The following ULK4 variants were observed in gnomAD, a reference collection of about 807,000 sequenced individuals.
The protein encoded by ULK4 is unc-51 like kinase 4.
A neutral mutation model predicts 160.6 loss-of-function variants in ULK4; 133 were observed. That is an observed-to-expected ratio of 0.83 (90% CI 0.72 to 0.96). The LOEUF (loss-of-function observed/expected upper bound fraction) is 0.96, where lower values mean the gene tolerates loss of function less well. Ranked by LOEUF, ULK4 falls within the 40% of genes least tolerant of loss-of-function variation. The probability of loss-of-function intolerance (pLI) is 0.00; values close to 1 mark genes in which losing one functional copy is unlikely to be tolerated. For synonymous variants in ULK4, 534 were observed against 539.8 expected (o/e 0.99, Z 0.15); for missense variants, 1,580 against 1,499.5 (o/e 1.05, Z -0.89).
chr3:41,257,718 T>G (rs942329086), intron 35 of ULK4, among the ~76,000 whole-genome samples: 11 of 152,018 alleles, frequency 7.2e-5, no homozygotes, highest in Non-Finnish European at 1.2e-4. Flanking sequence ...AATTGAAAAC[T>G]TATGTCCACA....
intron 19 of ULK4, among the ~76,000 whole-genome samples, chr3:41,811,350 A>G (rs1175803198): frequency 6.6e-6 from 1 of 152,008 alleles, no homozygotes; most frequent in Admixed American, 6.6e-5. Flanking sequence ...TAATATTTTT[A>G]ATTTTTTAGA....
intron 18 of ULK4, among the ~76,000 whole-genome samples, chr3:41,825,866 T>C (rs547100413): frequency 3.2e-4 from 49 of 152,202 alleles, no homozygotes; most frequent in African/African-American, 9.9e-4. Flanking sequence ...GTCAGATTCA[T>C]GAAAGTTGAA....
intron 19 of ULK4, among the ~76,000 whole-genome samples, chr3:41,817,486 C>T (rs2041010753): frequency 6.6e-6 from 1 of 152,142 alleles, no homozygotes; most frequent in Admixed American, 6.5e-5. Context: ...ATGGATGCAG[C>T]TGGAAGCCAT....
intron 32 of ULK4, among the ~76,000 whole-genome samples, chr3:41,482,532 G>A (rs2084364995): frequency 6.6e-6 from 1 of 152,180 alleles, no homozygotes; most frequent in African/African-American, 2.4e-5. Context: ...CCTAAATGAA[G>A]ATATTCTCCT....
At chr3:41,618,551 A>G (rs1407044950) in intron 30 of ULK4, among the ~76,000 whole-genome samples, 1 of 152,188 alleles carries the variant, frequency 6.6e-6, no homozygotes, top group Non-Finnish European at 1.5e-5. Context: ...GAGAAATAAA[A>G]TCCTTTCCAG....
intron 30 of ULK4, 68 bp from the exon 31 acceptor site, chr3:41,615,785 T>G: frequency 2.1e-6 from 3 of 1,413,392 alleles, no homozygotes; most frequent in Non-Finnish European, 3.0e-6. Context: ...TGGCCTGATA[T>G]AAAGCACCTC....
chr3:41,869,141 T>C (rs1697003509), intron 17 of ULK4: 1 of 152,156 alleles, frequency 6.6e-6, no homozygotes, highest in Non-Finnish European at 1.5e-5. Flanking sequence ...GTAATTACTC[T>C]TGTTTTTCAG....
chr3:41,351,572 A>T (rs1303602206), intron 35 of ULK4, among the ~76,000 whole-genome samples: 1 of 152,174 alleles, frequency 6.6e-6, no homozygotes, highest in East Asian at 1.9e-4. Context: ...TTCTCTTCTT[A>T]TTCAAGATAC....
chr3:41,696,372 C>CCT (rs1190879919), intron 27 of ULK4, among the ~76,000 whole-genome samples: 2 of 151,444 alleles, frequency 1.3e-5, no homozygotes, highest in African/African-American at 2.4e-5. Context: ...TCTCTCTCTC[C>CCT]CTCTCTCTCT....
chr3:41,338,887 G>A (rs908074948), intron 35 of ULK4, among the ~76,000 whole-genome samples: 2 of 151,862 alleles, frequency 1.3e-5, no homozygotes, highest in African/African-American at 4.8e-5. Flanking sequence ...CCCAGCACAA[G>A]CAGTCAAGTA....
intron 34 of ULK4, among the ~76,000 whole-genome samples, chr3:41,426,661 T>G (rs2082783363): frequency 6.6e-6 from 1 of 152,156 alleles, no homozygotes; most frequent in South Asian, 2.1e-4. Flanking sequence ...TGCTCCTGAA[T>G]GACTCTTGGG....
chr3:41,440,362 AT>A (rs1200057251), intron 34 of ULK4, among the ~76,000 whole-genome samples: 5 of 152,148 alleles, frequency 3.3e-5, no homozygotes, highest in African/African-American at 1.2e-4. Flanking sequence ...ACCAGGTTTC[AT>A]CAGAAATAAA....
chr3:41,403,842 C>T (rs1292924326), intron 34 of ULK4, among the ~76,000 whole-genome samples: 1 of 152,124 alleles, frequency 6.6e-6, no homozygotes, highest in Admixed American at 6.6e-5. Context: ...GTGACTTCCT[C>T]TTGGACCCAT....
Position 41,271,040 on chromosome 3 carries a change from C to T in ULK4, c.3679-21466G>A, listed in dbSNP as rs149985159. ...TTTTCTATGTCTTTCTCACATTCTA[C>T]TCTGTCTTAATATACTAATTTTTAA... On this transcript the variant is annotated intron_variant, in intron 35 of 36. Transcript: ENST00000301831. 8.8e-4 allele frequency among the ~76,000 whole-genome samples: 134 copies of T among 152,318 alleles called. 2 individuals carry two copies. The East Asian group carries it at 0.024, about 28-fold the overall frequency.
chr3:41,282,939 T>TAAAC (rs143533472), intron 35 of ULK4, among the ~76,000 whole-genome samples: 37,814 of 151,768 alleles, frequency 0.25, 6,960 homozygotes, highest in African/African-American at 0.52. Flanking sequence ...ACAAAAAACT[T>TAAAC]AAACAAATTT....
At chr3:41,717,702 G>T in intron 23 of ULK4, 26 bp downstream of exon 23, 1 of 1,589,884 alleles carries the variant, frequency 6.3e-7, no homozygotes, top group Non-Finnish European at 8.6e-7. Flanking sequence ...GCAGAAATGG[G>T]GCCTGAGGAT....
intron 35 of ULK4, among the ~76,000 whole-genome samples, chr3:41,298,305 C>T (rs139120658): frequency 8.9e-4 from 135 of 152,284 alleles, no homozygotes; most frequent in African/African-American, 3.2e-3. Flanking sequence ...ATTCAAAAGA[C>T]GAACACATTA....
At position 41,912,894 on chromosome 3, in the gene ULK4, G is replaced by C. The variant is rs745907062; in HGVS notation, c.809C>G (p.Thr270Ser). Reference sequence around the variant, plus strand: ...TGAATGCTGCAGTAGCCTTGTCCAAGTCAATCTTTAAAAAACATAAATGTT... The same window carrying C: ...TGAATGCTGCAGTAGCCTTGTCCAACTCAATCTTTAAAAAACATAAATGTT... ...LLQRDPQKRLTWTRLLQHSFW... is the reference protein window; with the variant it reads ...LLQRDPQKRLSWTRLLQHSFW... Residue 270 changes from threonine to serine, a missense_variant, in exon 9 of 37, where the codon ACT (threonine) becomes AGT (serine). Physicochemically the swap from Thr to Ser is moderately conservative, Grantham distance 58. Transcript: ENST00000301831. 6.2e-7 allele frequency: 1 copy of C among 1,613,826 alleles called. No homozygotes were observed. The highest frequency in any genetic ancestry group is 8.5e-7 in the Non-Finnish European group (1 of 1,179,938).
At chr3:41,641,712 AAAG>A (rs1170476502) in intron 30 of ULK4, among the ~76,000 whole-genome samples, 1 of 152,160 alleles carries the variant, frequency 6.6e-6, no homozygotes, top group Non-Finnish European at 1.5e-5. Flanking sequence ...GTCCAATGTG[AAAG>A]AAGTAAATTT....
Sources: allele counts gnomAD v4.1 joint callset (sites outside exome capture counted in the v4.1 genomes callset), GRCh38; gene constraint gnomAD v4.1.1; transcripts MANE v1.5; gene names NCBI Gene and HGNC (gene_info 2026-07-23, HGNC 2026-07-21).